Variants in MEGF10 observed in about 807,000 individuals in gnomAD.
MEGF10 encodes the protein multiple epidermal growth factor-like domains protein 10.
Under a neutral mutation model 147.5 loss-of-function variants are expected in MEGF10, and 86 were observed. The ratio of observed to expected loss-of-function variants is 0.58; its 90% CI spans 0.49 to 0.70. MEGF10 has a LOEUF of 0.70. Ranked by LOEUF, MEGF10 falls within the 30% of genes least tolerant of loss-of-function variation. The pLI, the probability that MEGF10 is intolerant of heterozygous loss-of-function variation, is 0.00. For missense variants in MEGF10, 1,329 were observed against 1,487.3 expected (o/e 0.89, Z 1.75); for synonymous variants, 478 against 525.5 (o/e 0.91, Z 1.24).
chr5:127,396,769 C>T lies in MEGF10; in HGVS notation c.650C>T (p.Thr217Ile). The T allele has an allele frequency of 1.2e-6, 2 of 1,613,088 alleles. No individual in the cohort carries two copies. The highest frequency in any genetic ancestry group is 1.7e-6 in the Non-Finnish European group (2 of 1,179,380). Residue 217 changes from threonine to isoleucine, a missense_variant, in exon 6 of 25, where the codon ACC becomes ATC. Physicochemically the swap from Thr to Ile is moderately conservative, Grantham distance 89. Coordinates refer to ENST00000503335, the MANE Select transcript of MEGF10 (RefSeq NM_001256545.2). Reference sequence around the variant, plus strand: ...GAATGCCGCTGCCCACCAGGATACACCGGAGCCTTGTAAGTCACATGCTGC... The same window carrying T: ...GAATGCCGCTGCCCACCAGGATACATCGGAGCCTTGTAAGTCACATGCTGC... Reference protein sequence around the residue: ...TGECRCPPGYTGAFCEDLCPP... With the variant: ...TGECRCPPGYIGAFCEDLCPP...
the MEGF10 span, among the ~76,000 whole-genome samples, chr5:127,269,994 T>C: frequency 6.6e-6 from 1 of 152,138 alleles, no homozygotes; most frequent in Non-Finnish European, 1.5e-5. Context: ...GCTTCATAAG[T>C]GAAGGAGAAA....
intron 9 of MEGF10, among the ~76,000 whole-genome samples, chr5:127,416,918 T>TCATA (rs1191504261): frequency 6.6e-6 from 1 of 152,122 alleles, no homozygotes; most frequent in Non-Finnish European, 1.5e-5. Context: ...GACACAGGTG[T>TCATA]TTGTTTTTGG....
chr5:127,396,123 A>T (rs1763900582), intron 5 of MEGF10, among the ~76,000 whole-genome samples: 1 of 152,134 alleles, frequency 6.6e-6, no homozygotes, highest in Non-Finnish European at 1.5e-5. Context: ...GATGCAATCC[A>T]AACCCCTTAA....
the MEGF10 span, among the ~76,000 whole-genome samples, chr5:127,239,943 C>T: frequency 6.6e-6 from 1 of 152,152 alleles, no homozygotes; most frequent in African/African-American, 2.4e-5. Context: ...CTTGCCTGGA[C>T]CCTGACCCCA....
At chr5:127,367,523 G>A (rs967117805) in intron 4 of MEGF10, among the ~76,000 whole-genome samples, 2 of 152,074 alleles carry the variant, frequency 1.3e-5, no homozygotes, top group Non-Finnish European at 2.9e-5. Flanking sequence ...TTAGTATGAA[G>A]TTAATTGGTG....
At chr5:127,306,955 T>C (rs1760042004) in intron 1 of MEGF10, among the ~76,000 whole-genome samples, 1 of 152,230 alleles carries the variant, frequency 6.6e-6, no homozygotes, top group African/African-American at 2.4e-5. Context: ...ATTTTTTTAA[T>C]GTTTTCTAAT....
chr5:127,327,903 G>T (rs1405955613), intron 1 of MEGF10, among the ~76,000 whole-genome samples: 3 of 151,922 alleles, frequency 2.0e-5, no homozygotes, highest in African/African-American at 7.3e-5. Flanking sequence ...TTTTAGTAGA[G>T]ACAGGGTTTC....
intron 1 of MEGF10, among the ~76,000 whole-genome samples, chr5:127,328,730 A>G (rs903600408): frequency 6.6e-6 from 1 of 151,616 alleles, no homozygotes; most frequent in Non-Finnish European, 1.5e-5. Flanking sequence ...AAACTTTCCA[A>G]TTTGGGGTAA....
intron 15 of MEGF10, 88 bp from the exon 16 acceptor site, chr5:127,435,273 A>G (rs1284487929): frequency 1.3e-6 from 2 of 1,503,226 alleles, no homozygotes; most frequent in African/African-American, 2.8e-5. Context: ...TGGGCCTGTG[A>G]CCTTTAAAGT....
At chr5:127,378,353 C>T (rs1004981091) in intron 5 of MEGF10, among the ~76,000 whole-genome samples, 1 of 152,226 alleles carries the variant, frequency 6.6e-6, no homozygotes, top group African/African-American at 2.4e-5. Context: ...ACATAGCTTA[C>T]ACCACACTTC....
intron 18 of MEGF10, 31 bp downstream of exon 18, chr5:127,440,898 G>GT: frequency 6.2e-7 from 1 of 1,603,928 alleles, no homozygotes; most frequent in Non-Finnish European, 8.5e-7. Context: ...TCACTGGGTG[G>GT]TATTTTTTTC....
the MEGF10 span, among the ~76,000 whole-genome samples, chr5:127,240,254 A>C: frequency 2.0e-5 from 3 of 152,176 alleles, no homozygotes; most frequent in Admixed American, 6.5e-5. Flanking sequence ...TTCTTTATGA[A>C]ATCCTTCCCT....
At chr5:127,233,325 C>A in the MEGF10 span, among the ~76,000 whole-genome samples, 1 of 152,196 alleles carries the variant, frequency 6.6e-6, no homozygotes, top group Non-Finnish European at 1.5e-5. Flanking sequence ...TGGTATAGGG[C>A]AGTAGGGCAG....
At chr5:127,304,109 T>C (rs2431724) in intron 1 of MEGF10, among the ~76,000 whole-genome samples, 95,391 of 152,010 alleles carry the variant, frequency 0.63, 30,206 homozygotes, top group Middle Eastern at 0.76. Flanking sequence ...CTTAATATGC[T>C]GTATGATTTT....
At position 127,457,608 on chromosome 5, in the gene MEGF10, C is replaced by A. The variant is rs919477760; in HGVS notation, c.*290C>A. The A allele has an allele frequency of 5.6e-6, 2 of 360,110 alleles. No individual in the cohort carries two copies. The highest frequency in any genetic ancestry group is 2.0e-5 in the African/African-American group (1 of 48,892). 22.3% of individuals were successfully genotyped at this position (360,110 alleles called of 1,614,324 possible). ...TGGCTGAAAGCATGAACTTGCAGAACTCCCTCGGAGACGCAGGTTGCAGTG... is the reference window on the plus strand; with the variant it reads ...TGGCTGAAAGCATGAACTTGCAGAAATCCCTCGGAGACGCAGGTTGCAGTG... On this transcript the variant is annotated 3_prime_UTR_variant, in exon 25 of 25. Coordinates refer to ENST00000503335, the MANE Select transcript of MEGF10 (RefSeq NM_001256545.2).
In MEGF10 at chr5:127,331,347, T is replaced by G; in HGVS notation, c.39T>G (p.Cys13Trp). The G allele has an allele frequency of 6.2e-7, 1 of 1,613,324 alleles. No homozygotes were observed. The highest frequency in any genetic ancestry group is 1.3e-5 in the African/African-American group (1 of 75,012). The part of the protein sequence containing the change: ...ISLNSCLSFI[C>W]LLLCHWIGTA... ...TGAACTCATGCCTGAGCTTTATTTGTTTATTGTTATGCCACTGGATTGGGA... is the reference window on the plus strand; with the variant it reads ...TGAACTCATGCCTGAGCTTTATTTGGTTATTGTTATGCCACTGGATTGGGA... The change falls in exon 2 of 25, where the codon TGT (cysteine) becomes TGG (tryptophan). Residue 13 changes from cysteine to tryptophan, a missense_variant. By Grantham distance (215) the Cys-to-Trp change is radical. Around this residue, in one of 3 missense-constraint regions of MEGF10, gnomAD observed 980 missense variants for 1,085.9 expected, o/e 0.90. Transcript: ENST00000503335.
the MEGF10 span, among the ~76,000 whole-genome samples, chr5:127,253,672 A>C: frequency 6.6e-6 from 1 of 152,110 alleles, no homozygotes; most frequent in East Asian, 1.9e-4. Flanking sequence ...GCCAGTTATC[A>C]TATGTATATA....
chr5:127,350,658 G>A (rs1461242312), intron 4 of MEGF10, among the ~76,000 whole-genome samples: 1 of 152,086 alleles, frequency 6.6e-6, no homozygotes, highest in Non-Finnish European at 1.5e-5. Flanking sequence ...ACTGTGGAAG[G>A]AAGGGAAAGA....
chr5:127,383,565 A>G (rs1177372967), intron 5 of MEGF10, among the ~76,000 whole-genome samples: 2 of 152,212 alleles, frequency 1.3e-5, no homozygotes, highest in Non-Finnish European at 2.9e-5. Context: ...GCTAATACAT[A>G]TATAAAATAA....
Sources: allele counts gnomAD v4.1 joint callset (sites outside exome capture counted in the v4.1 genomes callset), GRCh38; gene constraint gnomAD v4.1.1; regional missense constraint gnomAD v4.1.1; transcripts MANE v1.5; gene names NCBI Gene and HGNC (gene_info 2026-07-23, HGNC 2026-07-21).